The following KHDRBS2 variants were observed in gnomAD, a reference collection of about 807,000 sequenced individuals.
KHDRBS2 encodes KH RNA binding domain containing, signal transduction associated 2.
KHDRBS2 carries 26 observed loss-of-function variants against 44.3 expected under a neutral mutation model. That is an observed-to-expected ratio of 0.59 (90% CI 0.43 to 0.81). The LOEUF (loss-of-function observed/expected upper bound fraction) is 0.81. Ranked by LOEUF, KHDRBS2 falls within the 40% of genes least tolerant of loss-of-function variation. The pLI, the probability that KHDRBS2 is intolerant of heterozygous loss-of-function variation, is 0.00. For missense variants in KHDRBS2, 476 were observed against 433.1 expected (o/e 1.10, Z -0.88); for synonymous variants, 194 against 151.1 (o/e 1.28, Z -2.08).
intron 1 of KHDRBS2, among the ~76,000 whole-genome samples, chr6:62,197,637 C>T (rs553044849): frequency 6.6e-6 from 1 of 151,870 alleles, no homozygotes; most frequent in Non-Finnish European, 1.5e-5. Context: ...AGTCCACTAA[C>T]TTATAAATAT....
rs200792688 is a variant in KHDRBS2, at chr6:61,894,829, G to A, written c.616C>T (p.Arg206Cys). 3.0e-5 allele frequency: 48 copies of A among 1,610,332 alleles called. 1 individual carries two copies. Among genetic ancestry groups the A allele is most frequent in the South Asian group, 2.3e-4 (21 of 90,694 alleles). Residue 206 changes from arginine (R) to cysteine (C), a missense_variant, in exon 6 of 9, where the codon CGT becomes TGT. Arg to Cys is a radical substitution (Grantham distance 180). Transcript: ENST00000281156. ...GGGGGAGGAGGAATGGCACCCCCACGGCCCCTAAGAGAAACAAGTCATGTA... is the reference window on the plus strand; with the variant it reads ...GGGGGAGGAGGAATGGCACCCCCACAGCCCCTAAGAGAAACAAGTCATGTA... Reference protein sequence around the residue: ...RIAPTAPSRGRGGAIPPPPPP... With the variant: ...RIAPTAPSRGCGGAIPPPPPP...
chr6:62,198,564 A>G (rs1386610339), intron 1 of KHDRBS2, among the ~76,000 whole-genome samples: 2 of 152,172 alleles, frequency 1.3e-5, no homozygotes, highest in Non-Finnish European at 1.5e-5. Context: ...GAATAGACCA[A>G]TAAAGGCTCT....
the KHDRBS2 span, among the ~76,000 whole-genome samples, chr6:61,544,426 T>C: frequency 1.3e-5 from 2 of 152,058 alleles, no homozygotes; most frequent in Non-Finnish European, 2.9e-5. Context: ...TTTTTAAAAA[T>C]TTTCAAGAGT....
At chr6:61,941,851 T>C (rs758833112) in intron 4 of KHDRBS2, among the ~76,000 whole-genome samples, 49 of 152,026 alleles carry the variant, frequency 3.2e-4, no homozygotes, top group South Asian at 4.2e-4. Context: ...AAAGAAAACA[T>C]AAAAAAGCAA....
chr6:62,000,876 G>A (rs1488707372), intron 3 of KHDRBS2, among the ~76,000 whole-genome samples: 4 of 152,142 alleles, frequency 2.6e-5, no homozygotes, highest in Non-Finnish European at 5.9e-5. Flanking sequence ...TAAAAACAAA[G>A]TTGGCTATTA....
At chr6:62,282,928 G>T (rs961131047) in intron 1 of KHDRBS2, among the ~76,000 whole-genome samples, 11 of 152,088 alleles carry the variant, frequency 7.2e-5, no homozygotes, top group African/African-American at 2.4e-4. Context: ...TTCAGTTGAG[G>T]TTAAAGTGGA....
chr6:61,929,414 A>G (rs987444800), intron 4 of KHDRBS2, among the ~76,000 whole-genome samples: 1 of 152,180 alleles, frequency 6.6e-6, no homozygotes, highest in African/African-American at 2.4e-5. Flanking sequence ...GGCTTAAGGA[A>G]TATTTTATTA....
rs146726178 is a variant in KHDRBS2 at position 62,106,501 on chromosome 6, T to G, written c.220-58507A>C. Among the ~76,000 whole-genome samples the G allele has an allele frequency of 3.4e-4, 52 of 152,236 alleles. No homozygotes were observed. In the East Asian group the frequency reaches 9.9e-3, roughly 29 times the overall value. On this transcript the variant is annotated intron_variant, in intron 2 of 8. Transcript: ENST00000281156. ...ATACATATTTAGGATAGTTAGCTAT[T>G]CTTGGTGAATTGATCCCTTTACCAG...
At chr6:61,804,178 A>G (rs1428157081) in intron 6 of KHDRBS2, among the ~76,000 whole-genome samples, 1 of 152,116 alleles carries the variant, frequency 6.6e-6, no homozygotes, top group Non-Finnish European at 1.5e-5. Context: ...GAATGGGGGA[A>G]ATTGGCCAAA....
At chr6:61,717,557 A>G (rs558335353) in intron 7 of KHDRBS2, among the ~76,000 whole-genome samples, 7 of 152,216 alleles carry the variant, frequency 4.6e-5, no homozygotes, top group African/African-American at 1.4e-4. Context: ...GCATTGAGAC[A>G]TTAGAGAAAT....
At chr6:62,267,968 A>AT (rs1302767965) in intron 1 of KHDRBS2, among the ~76,000 whole-genome samples, 1 of 152,204 alleles carries the variant, frequency 6.6e-6, no homozygotes, top group East Asian at 1.9e-4. Flanking sequence ...CAAAAGTTCC[A>AT]TTTTCAAGAA....
chr6:61,648,922 T>G, the KHDRBS2 span, among the ~76,000 whole-genome samples: 2 of 152,140 alleles, frequency 1.3e-5, no homozygotes, highest in African/African-American at 4.8e-5. Flanking sequence ...ATGCTAAGTA[T>G]TTCCATCCCT....
chr6:61,642,529 G>T, the KHDRBS2 span, among the ~76,000 whole-genome samples: 1 of 151,246 alleles, frequency 6.6e-6, no homozygotes, highest in Non-Finnish European at 1.5e-5. Flanking sequence ...GGGCATGGTG[G>T]AGTGTGCCTG....
chr6:62,179,056 C>T (rs1821725610), intron 1 of KHDRBS2, among the ~76,000 whole-genome samples: 1 of 151,134 alleles, frequency 6.6e-6, no homozygotes, highest in African/African-American at 2.4e-5. Flanking sequence ...ACATTTTTCC[C>T]CCAAATGTTT....
chr6:62,076,194 G>T (rs1186304572), intron 2 of KHDRBS2, among the ~76,000 whole-genome samples: 1 of 151,852 alleles, frequency 6.6e-6, no homozygotes, highest in African/African-American at 2.4e-5. Context: ...GATAAAAATG[G>T]ATTAAAACAC....
At chr6:62,032,378 A>G (rs557566752) in intron 3 of KHDRBS2, among the ~76,000 whole-genome samples, 1 of 152,084 alleles carries the variant, frequency 6.6e-6, no homozygotes, top group East Asian at 2.0e-4. Context: ...TCCTTCTCCC[A>G]TGCTGGATGC....
At chr6:61,919,226 G>A (rs974912462) in intron 4 of KHDRBS2, among the ~76,000 whole-genome samples, 5 of 151,880 alleles carry the variant, frequency 3.3e-5, no homozygotes, top group African/African-American at 1.2e-4. Flanking sequence ...CAAATACACA[G>A]CAGAATGGGT....
At chr6:61,914,739 T>A (rs1297662260) in intron 4 of KHDRBS2, among the ~76,000 whole-genome samples, 1 of 152,146 alleles carries the variant, frequency 6.6e-6, no homozygotes, top group South Asian at 2.1e-4. Flanking sequence ...ATTTCTGTCT[T>A]CTGTAGATAG....
At chr6:62,041,647 T>C (rs1786550739) in intron 3 of KHDRBS2, among the ~76,000 whole-genome samples, 1 of 152,064 alleles carries the variant, frequency 6.6e-6, no homozygotes, top group Non-Finnish European at 1.5e-5. Flanking sequence ...AATAAAATGT[T>C]TTCTGTATAT....
Sources: allele counts gnomAD v4.1 joint callset (sites outside exome capture counted in the v4.1 genomes callset), GRCh38; gene constraint gnomAD v4.1.1; transcripts MANE v1.5; gene names NCBI Gene and HGNC (gene_info 2026-07-23, HGNC 2026-07-21).